The following TBC1D8 variants were observed in gnomAD, a reference collection of about 807,000 sequenced individuals.
The protein encoded by TBC1D8 is BUB2-like protein 1.
Under a neutral mutation model 118.8 loss-of-function variants are expected in TBC1D8, and 65 were observed. The ratio of observed to expected loss-of-function variants is 0.55; its 90% confidence interval spans 0.45 to 0.67. The LOEUF (loss-of-function observed/expected upper bound fraction) is 0.67, where lower values mean the gene tolerates loss of function less well. Ranked by LOEUF, TBC1D8 falls within the 30% of genes least tolerant of loss-of-function variation. The pLI, the probability that TBC1D8 is intolerant of heterozygous loss-of-function variation, is 0.00. For synonymous variants in TBC1D8, 566 were observed against 595.8 expected (o/e 0.95, Z 0.73); for missense variants, 1,376 against 1,471.2 (o/e 0.94, Z 1.06).
chr2:101,077,865 G>T (rs1460030540), intron 2 of TBC1D8, among the ~76,000 whole-genome samples: 3 of 152,134 alleles, frequency 2.0e-5, no homozygotes, highest in Non-Finnish European at 4.4e-5. Flanking sequence ...ACAATTACCA[G>T]CCTTTATTCC....
chr2:101,083,639 A>T (rs1243890453), intron 2 of TBC1D8, among the ~76,000 whole-genome samples: 1 of 152,184 alleles, frequency 6.6e-6, no homozygotes, highest in African/African-American at 2.4e-5. Flanking sequence ...AAGGAAAAAA[A>T]CTTAACCTCA....
chr2:101,068,677 T>C (rs1683145628), intron 2 of TBC1D8: 2 of 420,520 alleles, frequency 4.8e-6, no homozygotes, highest in Admixed American at 3.9e-5. Context: ...CTTAGCACTT[T>C]AGGGAACAAT....
At chr2:101,092,089 C>A (rs1676076673) in intron 1 of TBC1D8, among the ~76,000 whole-genome samples, 1 of 152,228 alleles carries the variant, frequency 6.6e-6, no homozygotes, top group Non-Finnish European at 1.5e-5. Flanking sequence ...CAATAATGTC[C>A]TTTTGCTACA....
At chr2:101,013,342 CT>C (rs1309813255) in intron 17 of TBC1D8, among the ~76,000 whole-genome samples, 2 of 152,198 alleles carry the variant, frequency 1.3e-5, no homozygotes, top group Non-Finnish European at 2.9e-5. Context: ...TGCATACAGT[CT>C]TTAAAAATCC....
At chr2:101,050,947 T>C (rs887460380) in intron 4 of TBC1D8, among the ~76,000 whole-genome samples, 11 of 152,192 alleles carry the variant, frequency 7.2e-5, no homozygotes, top group African/African-American at 2.7e-4. Context: ...ATGTCAGTTC[T>C]TCCCCTGTAT....
In TBC1D8 at chr2:101,036,154, T is replaced by C; in HGVS notation, c.1467A>G (p.Ile489Met). Reference sequence around the variant, plus strand: ...AGTGGTCATTCCACAGGCTTATTTTTATCTGTTCTCTGGACTGGAAATGGG... The same window carrying C: ...AGTGGTCATTCCACAGGCTTATTTTCATCTGTTCTCTGGACTGGAAATGGG... The part of the protein sequence containing the change: ...SPDSRMSREQ[I>M]KISLWNDHFV... Residue 489 changes from isoleucine (I) to methionine (M), a missense_variant, in exon 9 of 20, where the codon ATA becomes ATG. Ile to Met is a conservative substitution (Grantham distance 10, BLOSUM62 1). Transcript: ENST00000409318. 1 of 1,613,812 alleles carries C rather than the reference T, an allele frequency of 6.2e-7. No homozygotes were observed. Among genetic ancestry groups the C allele is most frequent in the African/African-American group, 1.3e-5 (1 of 75,040 alleles).
In TBC1D8 at chr2:101,029,481, C is replaced by T. The variant is rs1200579777; in HGVS notation, c.2222+10G>A. 13 of 1,606,630 alleles carry T rather than the reference C, an allele frequency of 8.1e-6. No individual in the cohort carries two copies. The highest frequency in any genetic ancestry group is 2.2e-5 in the East Asian group (1 of 44,710). On this transcript the variant is annotated intron_variant, in intron 12 of 19. Coordinates refer to ENST00000409318, the MANE Select transcript of TBC1D8 (RefSeq NM_001330348.2). ...TCTCTGGTTGGCCACAGAGGTGCAG[C>T]GGGGCCCACCTGCTGAGGATCATCA...
At position 101,008,259 on chromosome 2, in the gene TBC1D8, C is replaced by A; in HGVS notation, c.3030G>T (p.Gln1010His). The A allele has an allele frequency of 6.5e-7, 1 of 1,539,184 alleles. No homozygotes were observed. The highest frequency in any genetic ancestry group is 1.3e-5 in the South Asian group (1 of 79,108). The change falls in exon 20 of 20, where the codon CAG becomes CAT. Residue 1010 changes from glutamine (Q) to histidine (H), a missense_variant. Gln to His is a conservative substitution (Grantham distance 24). Transcript: ENST00000409318. ...ACATACTGTACAGAGTTTTACAGAA[C>A]TGGATAAATTCTCTCTGAAATTGAA... ...LPKMSQREFI[Q>H]FCKTLYSMFH...
chr2:101,048,350 G>A (rs1000906125), intron 5 of TBC1D8, among the ~76,000 whole-genome samples: 1 of 152,158 alleles, frequency 6.6e-6, no homozygotes, highest in East Asian at 1.9e-4. Flanking sequence ...TAAGATGGAG[G>A]CTGAGAGACC....
Position 101,008,110 on chromosome 2 carries a change from CCA to C in TBC1D8, c.3177_3178del (p.Cys1059TrpfsTer12). 6.2e-7 allele frequency: 1 copy of C among 1,613,862 alleles called. No homozygotes were observed. The highest frequency in any genetic ancestry group is 8.5e-7 in the Non-Finnish European group (1 of 1,179,812). The stretch of plus-strand genomic sequence containing the variant: ...AGGAGCTGAAGCCCGCAGCTCCTCC[CCA>C]CACTCCTGGGAGCAGCTTCCAGAGC... On this transcript the variant is annotated frameshift_variant, in exon 20 of 20. Coordinates refer to ENST00000409318, the MANE Select transcript of TBC1D8 (RefSeq NM_001330348.2). LOFTEE classifies it low-confidence loss of function (END_TRUNC).
At chr2:101,100,350 A>G (rs1676745147) in intron 1 of TBC1D8, among the ~76,000 whole-genome samples, 1 of 152,196 alleles carries the variant, frequency 6.6e-6, no homozygotes, top group African/African-American at 2.4e-5. Flanking sequence ...CCACTGCTCA[A>G]GGAAACAAGA....
chr2:101,009,800 T>C lies in TBC1D8; in HGVS notation c.3015+1129A>G, dbSNP rs189264446. Among the ~76,000 whole-genome samples, 3 of 151,220 alleles carry C rather than the reference T, an allele frequency of 2.0e-5. No individual in the cohort carries two copies. The Admixed American group carries it at 2.0e-4, about 10-fold the overall frequency. On this transcript the variant is annotated intron_variant, in intron 19 of 19. Transcript: ENST00000409318. ...TCGTAGTCCACAGCACCAAAATGAC[T>C]TAAGTCCTATAAAAAAGGAGCTTTT...
intron 16 of TBC1D8, 81 bp downstream of exon 16, chr2:101,022,200 C>T (rs1680070194): frequency 6.3e-7 from 1 of 1,590,588 alleles, no homozygotes; most frequent in Non-Finnish European, 8.5e-7. Context: ...GTGCATCTGC[C>T]TGCTCCGAAG....
At chr2:101,101,303 A>T (rs1676816624) in intron 1 of TBC1D8, among the ~76,000 whole-genome samples, 1 of 152,196 alleles carries the variant, frequency 6.6e-6, no homozygotes, top group Non-Finnish European at 1.5e-5. Flanking sequence ...AAAAAGCTCA[A>T]CATCACTAAT....
intron 4 of TBC1D8, among the ~76,000 whole-genome samples, chr2:101,050,943 G>A (rs116815016): frequency 6.6e-6 from 1 of 152,246 alleles, no homozygotes; most frequent in East Asian, 1.9e-4. Context: ...GCCTATGTCA[G>A]TTCTTCCCCT....
At chr2:101,144,919 C>T (rs1034985739) in intron 1 of TBC1D8, among the ~76,000 whole-genome samples, 6 of 152,186 alleles carry the variant, frequency 3.9e-5, no homozygotes, top group Non-Finnish European at 8.8e-5. Flanking sequence ...GCCTGGGCAA[C>T]AGAGCGAGAC....
At chr2:101,150,601 C>G (rs1256986958) in intron 1 of TBC1D8, among the ~76,000 whole-genome samples, 1 of 152,232 alleles carries the variant, frequency 6.6e-6, no homozygotes, top group Non-Finnish European at 1.5e-5. Context: ...ATTCGCCCAC[C>G]CTCAGTTTCC....
intron 19 of TBC1D8, among the ~76,000 whole-genome samples, chr2:101,008,587 G>T (rs572366271): frequency 1.3e-5 from 2 of 152,254 alleles, no homozygotes; most frequent in East Asian, 3.9e-4. Flanking sequence ...GGCCGAGGCA[G>T]GCGGATCACC....
chr2:101,144,106 T>C (rs1477936028), intron 1 of TBC1D8, among the ~76,000 whole-genome samples: 1 of 152,250 alleles, frequency 6.6e-6, no homozygotes, highest in Non-Finnish European at 1.5e-5. Flanking sequence ...AAGTTTGTAC[T>C]TGATCCCCTC....
Sources: gnomAD v4.1 joint callset for allele counts (sites outside exome capture counted in the v4.1 genomes callset) on GRCh38, gnomAD v4.1.1 for gene constraint, MANE v1.5 for transcripts, NCBI Gene and HGNC (gene_info 2026-07-23, HGNC 2026-07-21) for gene names.